Variants in ADGRL2 observed in about 807,000 individuals in gnomAD.
ADGRL2 encodes the protein adhesion G protein-coupled receptor L2.
A neutral mutation model predicts 157.4 loss-of-function variants in ADGRL2; 44 were observed. The observed-to-expected ratio is 0.28, with a 90% CI of 0.22 to 0.36. The LOEUF (loss-of-function observed/expected upper bound fraction) is 0.36, where lower values mean the gene tolerates loss of function less well. ADGRL2 is among the 10% of genes least tolerant of loss of function. The pLI is 1.00. For missense variants in ADGRL2, 1,510 were observed against 1,768.9 expected (o/e 0.85, Z 2.63); for synonymous variants, 585 against 624.7 (o/e 0.94, Z 0.95).
At chr1:81,409,864 C>T (rs190096181) in intron 1 of ADGRL2, among the ~76,000 whole-genome samples, 1 of 152,294 alleles carries the variant, frequency 6.6e-6, no homozygotes, top group Admixed American at 6.5e-5. Flanking sequence ...CAAGAGAGCA[C>T]AGACACTTTG....
At chr1:81,663,283 C>G (rs1475235543) in intron 3 of ADGRL2, among the ~76,000 whole-genome samples, 1 of 152,070 alleles carries the variant, frequency 6.6e-6, no homozygotes, top group Admixed American at 6.6e-5. Flanking sequence ...GAGGGTAGCA[C>G]CAGGAGATTA....
intron 1 of ADGRL2, among the ~76,000 whole-genome samples, chr1:81,388,792 T>A (rs555334286): frequency 6.6e-6 from 1 of 152,292 alleles, no homozygotes; most frequent in East Asian, 1.9e-4. Context: ...TTTGATATTT[T>A]TCAATGCATC....
At chr1:81,775,502 C>T (rs1335361611) in intron 2 of ADGRL2, among the ~76,000 whole-genome samples, 1 of 151,482 alleles carries the variant, frequency 6.6e-6, no homozygotes, top group Non-Finnish European at 1.5e-5. Context: ...TTATACCAAA[C>T]ATTATATAAT....
At chr1:81,763,156 G>A (rs1008148742) in intron 2 of ADGRL2, among the ~76,000 whole-genome samples, 2 of 150,584 alleles carry the variant, frequency 1.3e-5, no homozygotes, top group South Asian at 2.1e-4. Context: ...ATAATAAATA[G>A]ATATTGTTTT....
At chr1:81,949,050 T>C (rs1235620429) in intron 6 of ADGRL2, among the ~76,000 whole-genome samples, 1 of 152,220 alleles carries the variant, frequency 6.6e-6, no homozygotes, top group Admixed American at 6.5e-5. Flanking sequence ...TTCTAGCTTA[T>C]TATCTCATGT....
chr1:81,463,782 A>G (rs538756044), intron 2 of ADGRL2, among the ~76,000 whole-genome samples: 1 of 152,336 alleles, frequency 6.6e-6, no homozygotes, highest in South Asian at 2.1e-4. Flanking sequence ...CAGGAGATTG[A>G]TGTGTATAAA....
intron 2 of ADGRL2, among the ~76,000 whole-genome samples, chr1:81,851,823 T>A (rs1297339254): frequency 6.6e-6 from 1 of 151,388 alleles, no homozygotes; most frequent in African/African-American, 2.4e-5. Flanking sequence ...GCAAATGAAT[T>A]TCTGATTTAC....
intron 3 of ADGRL2, among the ~76,000 whole-genome samples, chr1:81,669,237 G>T (rs2082816168): frequency 6.6e-6 from 1 of 152,036 alleles, no homozygotes; most frequent in African/African-American, 2.4e-5. Flanking sequence ...CCTGTAAATT[G>T]AGGCGGATGT....
intron 1 of ADGRL2, among the ~76,000 whole-genome samples, chr1:81,730,620 G>A (rs1415159371): frequency 2.0e-5 from 3 of 152,006 alleles, no homozygotes; most frequent in Admixed American, 6.6e-5. Flanking sequence ...CTACTTAGGA[G>A]GCTGAGGCAC....
rs374222386 is a variant in ADGRL2, at chr1:81,735,352, T to C, written c.-142-26459T>C. 1.1e-4 allele frequency: 16 copies of C among 150,020 alleles called. 1 individual carries two copies. Among genetic ancestry groups the C allele is most frequent in the African/African-American group, 3.2e-4 (13 of 40,796 alleles). 9.3% of individuals were successfully genotyped at this position (150,020 alleles called of 1,614,324 possible). On this transcript the variant is annotated intron_variant, in intron 1 of 20. Coordinates refer to the ADGRL2 transcript ENST00000359929. ...CCCAGTTTGTAGTCACTTGTTAAAG[T>C]AGCCACAGGAAACGAATACAGTTAT...
At chr1:81,428,149 A>G (rs1307800124) in intron 1 of ADGRL2, among the ~76,000 whole-genome samples, 1 of 152,136 alleles carries the variant, frequency 6.6e-6, no homozygotes, top group Non-Finnish European at 1.5e-5. Context: ...CTGACTTGCA[A>G]TGTAAGGGGA....
At chr1:81,371,968 G>A (rs565527231) in intron 1 of ADGRL2, among the ~76,000 whole-genome samples, 1 of 152,136 alleles carries the variant, frequency 6.6e-6, no homozygotes, top group Non-Finnish European at 1.5e-5. Context: ...GTCTGTTGTA[G>A]GTACAGTTGA....
intron 1 of ADGRL2, among the ~76,000 whole-genome samples, chr1:81,416,852 T>C (rs1324419815): frequency 6.6e-6 from 1 of 152,186 alleles, no homozygotes; most frequent in South Asian, 2.1e-4. Flanking sequence ...TTGTCCATTC[T>C]TAAGAAGCAT....
At chr1:81,750,749 C>CTGT (rs1352872122) in intron 1 of ADGRL2, among the ~76,000 whole-genome samples, 1 of 149,092 alleles carries the variant, frequency 6.7e-6, no homozygotes, top group Non-Finnish European at 1.5e-5. Flanking sequence ...AAAAAACAGA[C>CTGT]AGAGAAACTA....
chr1:81,907,382 C>A (rs573263846), intron 3 of ADGRL2, 152 bp downstream of exon 3: 5 of 620,186 alleles, frequency 8.1e-6, no homozygotes, highest in Non-Finnish European at 1.4e-5. Flanking sequence ...GATATCTACA[C>A]TTTATATTTT....
chr1:81,370,007 C>A (rs2100978891), intron 1 of ADGRL2, among the ~76,000 whole-genome samples: 1 of 152,182 alleles, frequency 6.6e-6, no homozygotes, highest in East Asian at 1.9e-4. Context: ...TTCCATAGTG[C>A]CCCATACCCT....
intron 2 of ADGRL2, among the ~76,000 whole-genome samples, chr1:81,904,911 C>T (rs1283240499): frequency 6.6e-6 from 1 of 151,952 alleles, no homozygotes; most frequent in Non-Finnish European, 1.5e-5. Flanking sequence ...AAGACCCAGT[C>T]ACCTGTTAAA....
At chr1:81,625,302 C>T (rs942994096) in intron 3 of ADGRL2, among the ~76,000 whole-genome samples, 20 of 152,130 alleles carry the variant, frequency 1.3e-4, no homozygotes, top group African/African-American at 4.8e-4. Flanking sequence ...ATCTTCCTCC[C>T]TCCCTCCCTC....
intron 6 of ADGRL2, among the ~76,000 whole-genome samples, chr1:81,945,983 T>C (rs1486593625): frequency 6.6e-6 from 1 of 152,112 alleles, no homozygotes; most frequent in Non-Finnish European, 1.5e-5. Context: ...GCAGAACTAT[T>C]CTGGCCCACA....
Sources: gnomAD v4.1 joint callset for allele counts (sites outside exome capture counted in the v4.1 genomes callset) on GRCh38, gnomAD v4.1.1 for gene constraint, MANE v1.5 for transcripts, NCBI Gene and HGNC (gene_info 2026-07-23, HGNC 2026-07-21) for gene names.